Variants in DLG2 observed in about 807,000 individuals in gnomAD.
DLG2 encodes discs large MAGUK scaffold protein 2, also known as disks large homolog 2.
In DLG2, 45 loss-of-function variants were observed where a neutral mutation model predicts 132.5. That is an observed-to-expected ratio of 0.34 (90% CI 0.27 to 0.44). The LOEUF is 0.44. Ranked by LOEUF, DLG2 falls within the 20% of genes least tolerant of loss-of-function variation. The pLI is 1.00. For missense variants in DLG2, 1,045 were observed against 1,196.9 expected (o/e 0.87, Z 1.87); for synonymous variants, 424 against 419.6 (o/e 1.01, Z -0.13).
At chr11:85,333,102 G>A (rs1424990042) in intron 3 of DLG2, among the ~76,000 whole-genome samples, 3 of 152,028 alleles carry the variant, frequency 2.0e-5, no homozygotes, top group African/African-American at 7.2e-5. Flanking sequence ...TTTTCCATTT[G>A]TTTGTGTCTT....
At chr11:83,738,513 G>A (rs2092206345) in intron 18 of DLG2, among the ~76,000 whole-genome samples, 1 of 152,094 alleles carries the variant, frequency 6.6e-6, no homozygotes, top group Non-Finnish European at 1.5e-5. Context: ...AGGGAGAAAA[G>A]CTTCGAAATA....
intron 15 of DLG2, among the ~76,000 whole-genome samples, chr11:83,905,617 A>G (rs1225161155): frequency 5.3e-5 from 8 of 152,178 alleles, no homozygotes; most frequent in Non-Finnish European, 1.2e-4. Context: ...CATGTTTAAC[A>G]TGGTCATTCT....
intron 7 of DLG2, among the ~76,000 whole-genome samples, chr11:84,450,916 A>T (rs2099049785): frequency 6.6e-6 from 1 of 151,864 alleles, no homozygotes; most frequent in Non-Finnish European, 1.5e-5. Context: ...CATGCTTGAA[A>T]GAAGAAATAA....
chr11:83,718,146 G>A (rs1426836967), intron 18 of DLG2, among the ~76,000 whole-genome samples: 1 of 152,126 alleles, frequency 6.6e-6, no homozygotes, highest in Non-Finnish European at 1.5e-5. Context: ...AATTCTATAG[G>A]TGCACAGAGG....
Position 85,389,529 on chromosome 11 carries a change from AAAAGAGC to A in DLG2, c.41-104171_41-104165del, listed in dbSNP as rs564463488. 2.4e-4 allele frequency among the ~76,000 whole-genome samples: 37 copies of A among 152,328 alleles called. No individual in the cohort carries two copies. In the South Asian group the frequency reaches 7.5e-3, roughly 31 times the overall value. ...AAGAACACCTAGGAAATTAATTGCA[AAAAGAGC>A]ATCACACAGGCACACAGTCATCAGG... On this transcript the variant is annotated intron_variant, in intron 3 of 27. Transcript: ENST00000376104.
intron 4 of DLG2, among the ~76,000 whole-genome samples, chr11:85,172,450 C>T (rs570270333): frequency 7.6e-4 from 115 of 152,132 alleles, no homozygotes; most frequent in Non-Finnish European, 1.5e-3. Context: ...CCCACAAAAA[C>T]CCCATTCAAA....
chr11:84,307,981 C>G (rs1324213504), intron 7 of DLG2, among the ~76,000 whole-genome samples: 1 of 152,156 alleles, frequency 6.6e-6, no homozygotes, highest in African/African-American at 2.4e-5. Context: ...GTGAGTGTTA[C>G]AGCTCACAAA....
At chr11:84,800,089 T>A (rs1176665034) in intron 6 of DLG2, among the ~76,000 whole-genome samples, 1 of 152,184 alleles carries the variant, frequency 6.6e-6, no homozygotes, top group African/African-American at 2.4e-5. Context: ...GATCAGGTTT[T>A]ACCCTAAGTT....
chr11:84,912,189 G>A (rs1318989695), intron 6 of DLG2, among the ~76,000 whole-genome samples: 1 of 151,994 alleles, frequency 6.6e-6, no homozygotes, highest in Non-Finnish European at 1.5e-5. Context: ...TCACTCTGTC[G>A]CCCAGGCTGG....
intron 6 of DLG2, among the ~76,000 whole-genome samples, chr11:84,805,393 AAAAT>A (rs774488114): frequency 1.8e-4 from 27 of 152,252 alleles, no homozygotes; most frequent in Admixed American, 6.5e-4. Context: ...TAGAGAAAAA[AAAAT>A]AGAGAATCAA....
At chr11:85,564,115 A>G (rs1267394207) in intron 3 of DLG2, among the ~76,000 whole-genome samples, 1 of 152,056 alleles carries the variant, frequency 6.6e-6, no homozygotes, top group Admixed American at 6.6e-5. Context: ...TTCCATTATT[A>G]CATGGTTTGC....
At chr11:83,869,288 T>C (rs1484151796) in intron 16 of DLG2, among the ~76,000 whole-genome samples, 2 of 152,124 alleles carry the variant, frequency 1.3e-5, no homozygotes, top group Non-Finnish European at 2.9e-5. Flanking sequence ...CTGGGAAATC[T>C]GAAGCACATT....
At chr11:84,211,060 C>T (rs890402585) in intron 8 of DLG2, among the ~76,000 whole-genome samples, 1 of 152,052 alleles carries the variant, frequency 6.6e-6, no homozygotes, top group African/African-American at 2.4e-5. Flanking sequence ...TAAAGTATAT[C>T]GTTGGATGAA....
intron 6 of DLG2, among the ~76,000 whole-genome samples, chr11:84,845,855 T>C (rs1304793242): frequency 6.6e-6 from 1 of 151,890 alleles, no homozygotes; most frequent in African/African-American, 2.4e-5. Context: ...AATTTTTGTA[T>C]TTTTAGTAGA....
intron 18 of DLG2, among the ~76,000 whole-genome samples, chr11:83,719,120 C>G (rs902296853): frequency 6.6e-6 from 1 of 152,206 alleles, no homozygotes; most frequent in Admixed American, 6.5e-5. Context: ...ATGGCCCACA[C>G]AGCAGTCAGG....
chr11:84,434,495 C>G (rs1247764376), intron 7 of DLG2, among the ~76,000 whole-genome samples: 2 of 152,094 alleles, frequency 1.3e-5, no homozygotes, highest in Non-Finnish European at 2.9e-5. Context: ...CTGAGACTTA[C>G]CACTAATCCT....
At chr11:83,909,744 A>G (rs790356) in intron 15 of DLG2, among the ~76,000 whole-genome samples, 76,881 of 152,066 alleles carry the variant, frequency 0.51, 19,875 homozygotes, top group East Asian at 0.85. Context: ...GCTTCATCAA[A>G]TGATTACTGG....
intron 4 of DLG2, among the ~76,000 whole-genome samples, chr11:85,177,930 C>T (rs936250713): frequency 6.6e-6 from 1 of 151,636 alleles, no homozygotes; most frequent in Non-Finnish European, 1.5e-5. Flanking sequence ...AAATTAAAGG[C>T]TATTTTACAA....
chr11:83,826,960 G>A (rs569828316), intron 17 of DLG2, among the ~76,000 whole-genome samples: 1 of 152,242 alleles, frequency 6.6e-6, no homozygotes, highest in East Asian at 1.9e-4. Flanking sequence ...ATCCTCTTTA[G>A]TATTTCAGAG....
Sources: gnomAD v4.1 joint callset for allele counts (sites outside exome capture counted in the v4.1 genomes callset) on GRCh38, gnomAD v4.1.1 for gene constraint, MANE v1.5 for transcripts, NCBI Gene and HGNC (gene_info 2026-07-23, HGNC 2026-07-21) for gene names.